Variants in CHLSN observed in about 807,000 individuals in gnomAD.
CHLSN encodes cholesin.
chr7:1,021,794 T>A, the CHLSN span, among the ~76,000 whole-genome samples: 1 of 152,138 alleles, frequency 6.6e-6, no homozygotes, highest in African/African-American at 2.4e-5. Context: ...GCGGCAAAAA[T>A]ACCCGCCCAG....
the CHLSN span, chr7:1,092,242 C>A: frequency 6.2e-7 from 1 of 1,612,568 alleles, no homozygotes; most frequent in Non-Finnish European, 8.5e-7. Flanking sequence ...CCGCACCAAG[C>A]ACCACGCCCG....
At chr7:1,002,446 T>A in the CHLSN span, among the ~76,000 whole-genome samples, 1 of 70,264 alleles carries the variant, frequency 1.4e-5, no homozygotes. Flanking sequence ...GTCCTGTGGG[T>A]GAGTGGAGTC....
At chr7:1,030,435 G>A in the CHLSN span, among the ~76,000 whole-genome samples, 5 of 152,170 alleles carry the variant, frequency 3.3e-5, no homozygotes, top group South Asian at 2.1e-4. Flanking sequence ...GCAGTCCCCC[G>A]GGCTGGGCCA....
chr7:1,095,306 T>TA, the CHLSN span, among the ~76,000 whole-genome samples: 1 of 130,448 alleles, frequency 7.7e-6, no homozygotes, highest in African/African-American at 2.9e-5. Flanking sequence ...GCGCTGTCTT[T>TA]ACAACAATAC....
the CHLSN span, among the ~76,000 whole-genome samples, chr7:1,016,802 GCAGCACACA>G: frequency 3.1e-5 from 2 of 64,054 alleles, 1 homozygote; most frequent in African/African-American, 2.1e-4. Flanking sequence ...GCAGCACACA[GCAGCACACA>G]CCAGCGCACA....
At chr7:981,623 A>C in the CHLSN span, among the ~76,000 whole-genome samples, 23,767 of 152,166 alleles carry the variant, frequency 0.16, 2,041 homozygotes, top group Admixed American at 0.23. Flanking sequence ...CTGAGGCAGG[A>C]GAATCGCTCC....
chr7:1,064,849 C>T, the CHLSN span, among the ~76,000 whole-genome samples: 1 of 152,192 alleles, frequency 6.6e-6, no homozygotes, highest in African/African-American at 2.4e-5. Flanking sequence ...CCCAGCCCAC[C>T]CCACACTCAG....
the CHLSN span, among the ~76,000 whole-genome samples, chr7:1,109,880 C>T: frequency 6.6e-6 from 1 of 152,224 alleles, no homozygotes; most frequent in Non-Finnish European, 1.5e-5. Flanking sequence ...CAGGCAACCA[C>T]CTCCATCCTC....
the CHLSN span, chr7:1,055,242 C>G: frequency 2.1e-6 from 1 of 470,960 alleles, no homozygotes. Flanking sequence ...TGGCGCCTGC[C>G]AAGGGAGGCA....
At chr7:1,016,533 ACAAAGCAGCGCACGCCAGCG>A in the CHLSN span, among the ~76,000 whole-genome samples, 10 of 136,296 alleles carry the variant, frequency 7.3e-5, no homozygotes, top group East Asian at 2.3e-3. Flanking sequence ...ACACACCAGC[ACAAAGCAGCGCACGCCAGCG>A]CACAGCAGCG....
the CHLSN span, among the ~76,000 whole-genome samples, chr7:1,090,046 T>C: frequency 6.6e-6 from 1 of 151,514 alleles, no homozygotes; most frequent in African/African-American, 2.4e-5. Flanking sequence ...ATTGTGCCAC[T>C]GCACTCCAAC....
At chr7:984,041 G>C in the CHLSN span, among the ~76,000 whole-genome samples, 2 of 152,198 alleles carry the variant, frequency 1.3e-5, no homozygotes, top group Non-Finnish European at 2.9e-5. Flanking sequence ...AGGGTCTCTG[G>C]GGGCCGAGCC....
the CHLSN span, among the ~76,000 whole-genome samples, chr7:1,106,215 G>A: frequency 5.9e-5 from 9 of 152,276 alleles, no homozygotes; most frequent in East Asian, 1.9e-4. Context: ...TGCCAGCCAC[G>A]CGGACTCTCC....
At chr7:1,053,565 C>G in the CHLSN span, among the ~76,000 whole-genome samples, 1 of 152,344 alleles carries the variant, frequency 6.6e-6, no homozygotes, top group Admixed American at 6.5e-5. Context: ...TGGTGGCTCA[C>G]GTCTGTAATC....
chr7:1,115,607 T>G, the CHLSN span, among the ~76,000 whole-genome samples: 2 of 125,388 alleles, frequency 1.6e-5, no homozygotes, highest in Admixed American at 1.7e-4. Context: ...ACTACAGCTC[T>G]AGGGATGGCT....
At chr7:1,070,318 C>A in the CHLSN span, among the ~76,000 whole-genome samples, 2 of 142,764 alleles carry the variant, frequency 1.4e-5, no homozygotes, top group African/African-American at 5.0e-5. Flanking sequence ...GGGGGTCAGC[C>A]CCCCGCCTGG....
chr7:1,048,983 T>C, the CHLSN span, among the ~76,000 whole-genome samples: 1 of 152,152 alleles, frequency 6.6e-6, no homozygotes, highest in Non-Finnish European at 1.5e-5. Flanking sequence ...ACTCAGAACA[T>C]AAAAACCATA....
chr7:986,919 G>A, the CHLSN span: 1 of 1,325,070 alleles, frequency 7.5e-7, no homozygotes, highest in Non-Finnish European at 1.0e-6. Flanking sequence ...CCTGGCTGGG[G>A]GCCTCTCAGA....
chr7:997,919 C>T, the CHLSN span: 2 of 981,998 alleles, frequency 2.0e-6, no homozygotes, highest in Non-Finnish European at 3.1e-6. Flanking sequence ...CGTCCTCCCA[C>T]TGCGGCCCGA....
Sources: gnomAD v4.1 joint callset for allele counts (sites outside exome capture counted in the v4.1 genomes callset) on GRCh38, gnomAD v4.1.1 for gene constraint, MANE v1.5 for transcripts, NCBI Gene and HGNC (gene_info 2026-07-23, HGNC 2026-07-21) for gene names.